NUP153: variants seen among roughly 807,000 people sequenced by gnomAD.
The protein encoded by NUP153 is nuclear pore complex protein Nup153.
A neutral mutation model predicts 134.6 loss-of-function variants in NUP153; 27 were observed. The observed-to-expected ratio is 0.20, with a 90% CI of 0.15 to 0.28. NUP153 has a LOEUF of 0.28. Ranked by LOEUF, NUP153 falls within the 10% of genes least tolerant of loss-of-function variation. The probability of loss-of-function intolerance (pLI) is 1.00; values close to 1 mark genes in which losing one functional copy is unlikely to be tolerated. For synonymous variants in NUP153, 640 were observed against 623.5 expected, an observed-to-expected ratio of 1.03 and a Z score of -0.40; for missense variants, 1,821 against 1,731.3, an observed-to-expected ratio of 1.05 and a Z score of -0.92.
At chr6:17,664,528 G>C (rs924829982) in intron 9 of NUP153, among the ~76,000 whole-genome samples, 1 of 152,090 alleles carries the variant, frequency 6.6e-6, no homozygotes. Context: ...CTGGATATTA[G>C]ATAATTTTAA....
At chr6:17,646,282 A>G (rs773497104) in intron 13 of NUP153, 128 bp from the exon 14 acceptor site, 16 of 466,312 alleles carry the variant, frequency 3.4e-5, no homozygotes, top group Non-Finnish European at 5.8e-5. Flanking sequence ...ATCCTGGCTC[A>G]CTGCAACCTC....
At chr6:17,640,783 A>ATT (rs112052068) in intron 14 of NUP153, among the ~76,000 whole-genome samples, 5 of 146,534 alleles carry the variant, frequency 3.4e-5, no homozygotes, top group East Asian at 3.9e-4. Flanking sequence ...CATCTAGCTC[A>ATT]TTTTTTTTTT....
At chr6:17,616,489 C>T in intron 21 of NUP153, 38 bp downstream of exon 21, 1 of 1,559,394 alleles carries the variant, frequency 6.4e-7, no homozygotes, top group South Asian at 1.2e-5. Context: ...ATACCCTTAC[C>T]AATGTAACTT....
chr6:17,699,978 TTAAG>T (rs1353078638), intron 1 of NUP153, among the ~76,000 whole-genome samples: 1 of 152,042 alleles, frequency 6.6e-6, no homozygotes, highest in African/African-American at 2.4e-5. Context: ...ATTAGAAAAA[TTAAG>T]TAAATTAATA....
At chr6:17,646,184 C>T (rs369703642) in intron 13 of NUP153, 30 bp from the exon 14 acceptor site, 31 of 1,186,724 alleles carry the variant, frequency 2.6e-5, no homozygotes, top group Non-Finnish European at 3.1e-5. Context: ...CCTTATACTT[C>T]GTTTTCAATA....
At chr6:17,660,923 G>A (rs1240850504) in intron 11 of NUP153, among the ~76,000 whole-genome samples, 1 of 152,072 alleles carries the variant, frequency 6.6e-6, no homozygotes, top group Non-Finnish European at 1.5e-5. Context: ...AATGGATTAC[G>A]GTAAATCTTC....
intron 21 of NUP153, 94 bp from the exon 22 acceptor site, chr6:17,616,275 GGTC>G: frequency 1.9e-6 from 1 of 518,998 alleles, no homozygotes; most frequent in Admixed American, 3.4e-5. Context: ...GGGTAAGGGG[GGTC>G]GGGTGGGGGG....
In NUP153 at chr6:17,625,509, GAC is replaced by G. The variant is rs1481452749; in HGVS notation, c.3901+297_3901+298del. Among the ~76,000 whole-genome samples, 1 of 152,142 alleles carries G rather than the reference GAC, an allele frequency of 6.6e-6. No homozygotes were observed. The highest frequency in any genetic ancestry group is 1.5e-5 in the Non-Finnish European group (1 of 68,026). Reference sequence around the variant, plus strand: ...TGCACCACTGCACTCCAGCCTGGGTGACAGAGCAAGACTCCGTCTCGAAAGAA... The same window carrying G: ...TGCACCACTGCACTCCAGCCTGGGTGAGAGCAAGACTCCGTCTCGAAAGAA... On this transcript the variant is annotated intron_variant, in intron 19 of 21. Transcript: ENST00000262077. This position sits in a 1 kb window ranked among gnomAD's most constrained non-coding sequence, Gnocchi z 4.7.
At position 17,706,274 on chromosome 6, in the gene NUP153, T is replaced by A. The variant is rs369699661; in HGVS notation, c.111+3A>T. ...AGGCCACCGCGGCGTCGGGGTCCCATACCTGATGCTGTTGTCGCCCCTGCT... is the reference window on the plus strand; with the variant it reads ...AGGCCACCGCGGCGTCGGGGTCCCAAACCTGATGCTGTTGTCGCCCCTGCT... On this transcript the variant is annotated splice_donor_region_variant and intron_variant, in intron 1 of 21. Transcript: ENST00000262077. This position sits in a 1 kb window ranked among gnomAD's most constrained non-coding sequence, Gnocchi z 5.9. 3 of 1,610,292 alleles carry A rather than the reference T, an allele frequency of 1.9e-6. No homozygotes were observed. Among genetic ancestry groups the A allele is most frequent in the South Asian group, 1.1e-5 (1 of 91,010 alleles).
Position 17,632,983 on chromosome 6 carries a change from C to A in NUP153, c.2465-139G>T, listed in dbSNP as rs1765340390. 3 of 600,720 alleles carry A rather than the reference C, an allele frequency of 5.0e-6. No individual in the cohort carries two copies. In the South Asian group the frequency reaches 8.5e-5, roughly 17 times the overall value. The allele number at this position is 600,720 out of a possible 1,614,324, so 37.2% of individuals were successfully genotyped here. A position where few individuals can be genotyped will look rare whatever the true frequency, so the allele number is the denominator to read the frequency against. On this transcript the variant is annotated intron_variant, in intron 16 of 21. Coordinates refer to ENST00000262077, the MANE Select transcript of NUP153 (RefSeq NM_005124.4). ...ATTTCCTATTAAAACACAGAATGTG[C>A]CAGAAATAGACAACTGTTCATATTT...
chr6:17,688,993 A>C (rs1207832134), intron 1 of NUP153, among the ~76,000 whole-genome samples: 1 of 152,150 alleles, frequency 6.6e-6, no homozygotes, highest in African/African-American at 2.4e-5. Context: ...CAATACTTTC[A>C]ATAGCTTTCT....
chr6:17,617,350 T>TA (rs1433245874), intron 20 of NUP153, among the ~76,000 whole-genome samples: 1 of 151,146 alleles, frequency 6.6e-6, no homozygotes, highest in Non-Finnish European at 1.5e-5. Context: ...GAAGGCTGAC[T>TA]AGAGTTGATA....
Position 17,624,770 on chromosome 6 carries a change from T to C in NUP153, c.3965A>G (p.Asn1322Ser), listed in dbSNP as rs750780211. The change falls in exon 20 of 22, where the codon AAC becomes AGC. Residue 1322 changes from asparagine to serine, a missense_variant. Transcript: ENST00000262077. ...ACTTTGTCCAAATGTTGGGGTCTGG[T>C]TAGCACCAAATGCTGGACTGGCAGA... ...APSASPAFGA[N>S]QTPTFGQSQG... The C allele has an allele frequency of 6.2e-7, 1 of 1,614,128 alleles. No homozygotes were observed. Among genetic ancestry groups the C allele is most frequent in the Non-Finnish European group, 8.5e-7 (1 of 1,180,010 alleles).
intron 20 of NUP153, among the ~76,000 whole-genome samples, chr6:17,623,129 CAAA>C (rs71002235): frequency 1.1e-4 from 8 of 72,970 alleles, no homozygotes; most frequent in Admixed American, 1.4e-4. Flanking sequence ...GATTCTGTCT[CAAA>C]AAAAAAAAAA....
At chr6:17,665,135 T>C (rs1767445591) in intron 9 of NUP153, 104 bp downstream of exon 9, 1 of 753,536 alleles carries the variant, frequency 1.3e-6, no homozygotes, top group African/African-American at 1.8e-5. Flanking sequence ...AACCTTTATG[T>C]GTTATACAGT....
At chr6:17,664,947 G>A (rs1767425846) in intron 9 of NUP153, among the ~76,000 whole-genome samples, 2 of 150,636 alleles carry the variant, frequency 1.3e-5, no homozygotes, top group African/African-American at 4.9e-5. Flanking sequence ...CAGCTACTCG[G>A]GGGGCTGAAG....
intron 10 of NUP153, 87 bp from the exon 11 acceptor site, chr6:17,661,866 A>T (rs144967346): frequency 1.5e-4 from 204 of 1,326,486 alleles, no homozygotes; most frequent in East Asian, 1.2e-3. Context: ...GTAAAAAAAA[A>T]ATATACAGCT....
chr6:17,629,613 A>G (rs1250651638), intron 17 of NUP153, 74 bp from the exon 18 acceptor site: 1 of 1,366,588 alleles, frequency 7.3e-7, no homozygotes, highest in South Asian at 1.5e-5. Context: ...AACACTGTGA[A>G]AGCCAAAGAA....
rs1767465760 is a variant in NUP153, at chr6:17,665,341, C to T, written c.1113G>A (p.Lys371=). 2 of 1,613,626 alleles carry T rather than the reference C, an allele frequency of 1.2e-6. No individual in the cohort carries two copies. Among genetic ancestry groups the T allele is most frequent in the Non-Finnish European group, 8.5e-7 (1 of 1,179,700 alleles). Residue 371 remains lysine, a synonymous_variant, in exon 9 of 22, where the codon AAG becomes AAA. Coordinates refer to ENST00000262077, the MANE Select transcript of NUP153 (RefSeq NM_005124.4). The part of the protein sequence containing the change: ...YPPVQRLMTP[K]PVSIATNRSV... ...TTCGATTTGTTGCTATGGAAACTGG[C>T]TTTGGGGTCATAAGTCTCTGAACAG...
Sources: gnomAD v4.1 joint callset for allele counts (sites outside exome capture counted in the v4.1 genomes callset) on GRCh38, gnomAD v4.1.1 for gene constraint, Gnocchi (gnomAD v3.1) non-coding constraint, MANE v1.5 for transcripts, NCBI Gene and HGNC (gene_info 2026-07-23, HGNC 2026-07-21) for gene names.